The following TRPC6 variants were observed in gnomAD, a reference collection of about 807,000 sequenced individuals.
TRPC6 encodes transient receptor potential cation channel subfamily C member 6, also known as short transient receptor potential channel 6.
Under a neutral mutation model 90.7 loss-of-function variants are expected in TRPC6, and 55 were observed. The observed-to-expected ratio is 0.61, with a 90% CI of 0.49 to 0.76. TRPC6 has a LOEUF of 0.76. TRPC6 is among the 30% of genes least tolerant of loss of function. TRPC6 has a pLI of 0.00. For synonymous variants in TRPC6, 393 were observed against 393.0 expected, an observed-to-expected ratio of 1.00 and a Z score of 0.00; for missense variants, 989 against 1,122.7, an observed-to-expected ratio of 0.88 and a Z score of 1.70.
At chr11:101,548,008 T>C (rs1445024903) in intron 1 of TRPC6, among the ~76,000 whole-genome samples, 2 of 152,092 alleles carry the variant, frequency 1.3e-5, no homozygotes, top group Admixed American at 6.6e-5. Flanking sequence ...ATCCAGGAGA[T>C]GCCAACTATG....
chr11:101,521,996 T>C (rs568042103), intron 1 of TRPC6, among the ~76,000 whole-genome samples: 1 of 152,334 alleles, frequency 6.6e-6, no homozygotes, highest in South Asian at 2.1e-4. Context: ...ACTTGCCTTA[T>C]CTCAGATGAG....
intron 1 of TRPC6, among the ~76,000 whole-genome samples, chr11:101,556,040 T>C (rs1288444765): frequency 2.6e-5 from 4 of 152,036 alleles, no homozygotes; most frequent in Admixed American, 6.6e-5. Context: ...GGAAACACAA[T>C]ATACCAAAAC....
chr11:101,569,657 T>C (rs1861913702), intron 1 of TRPC6, among the ~76,000 whole-genome samples: 1 of 152,094 alleles, frequency 6.6e-6, no homozygotes, highest in Admixed American at 6.6e-5. Flanking sequence ...ATGGAAATCA[T>C]AACAAACAAG....
chr11:101,554,703 A>C (rs1260623096), intron 1 of TRPC6, among the ~76,000 whole-genome samples: 1 of 152,190 alleles, frequency 6.6e-6, no homozygotes, highest in Non-Finnish European at 1.5e-5. Context: ...TTAAAAAACA[A>C]AGATGAAAAA....
chr11:101,583,318 C>G lies in TRPC6; in HGVS notation c.170+16G>C. On this transcript the variant is annotated intron_variant, in intron 1 of 12. Transcript: ENST00000344327. ...CGCAGCCCGCGCCCGATCCGCCCCG[C>G]GTCGCCGGCACTCACAAGCAGGGGT... 6 of 1,568,458 alleles carry G rather than the reference C, an allele frequency of 3.8e-6. No homozygotes were observed. Among genetic ancestry groups the G allele is most frequent in the Non-Finnish European group, 5.2e-6 (6 of 1,158,104 alleles).
At position 101,452,799 on chromosome 11, in the gene TRPC6, A is replaced by AAATT. The variant is rs1410585644; in HGVS notation, c.*152_*155dup. The AAATT allele has an allele frequency of 2.5e-6, 2 of 805,170 alleles. No individual in the cohort carries two copies. The highest frequency in any genetic ancestry group is 2.6e-5 in the East Asian group (1 of 38,478). 49.9% of individuals were successfully genotyped at this position (805,170 alleles called of 1,614,324 possible). ...GAACAATGGAGTTTAATCACCAAAA[A>AAATT]AATTAGATACTAGGGCTCCAGATGA... On this transcript the variant is annotated 3_prime_UTR_variant, in exon 13 of 13. Coordinates refer to ENST00000344327, the MANE Select transcript of TRPC6 (RefSeq NM_004621.6).
intron 1 of TRPC6, among the ~76,000 whole-genome samples, chr11:101,549,048 A>G (rs553349628): frequency 4.6e-5 from 7 of 151,926 alleles, no homozygotes; most frequent in Non-Finnish European, 7.4e-5. Context: ...TTCAAATATC[A>G]CTTTTTAAAA....
At chr11:101,545,663 G>A (rs935927169) in intron 1 of TRPC6, among the ~76,000 whole-genome samples, 1 of 152,132 alleles carries the variant, frequency 6.6e-6, no homozygotes, top group Non-Finnish European at 1.5e-5. Flanking sequence ...ACACTCATCT[G>A]GATTCAGCCT....
chr11:101,529,368 C>T (rs1860856223), intron 1 of TRPC6, among the ~76,000 whole-genome samples: 1 of 152,164 alleles, frequency 6.6e-6, no homozygotes, highest in Non-Finnish European at 1.5e-5. Flanking sequence ...TGGAACACTC[C>T]CCTAAGGGAA....
Position 101,473,778 on chromosome 11 carries a change from GA to G in TRPC6, c.1745-6del. The G allele has an allele frequency of 6.2e-7, 1 of 1,613,454 alleles. No homozygotes were observed. Among genetic ancestry groups the G allele is most frequent in the Non-Finnish European group, 8.5e-7 (1 of 1,179,594 alleles). On this transcript the variant is annotated splice_polypyrimidine_tract_variant and splice_region_variant and intron_variant, in intron 6 of 12. Transcript: ENST00000344327. Reference sequence around the variant, plus strand: ...AGGGGTCCCACTTTATCCTGGCTAGGAAAAAGCAAAGACAAAGAGTTGTGTG... The same window carrying G: ...AGGGGTCCCACTTTATCCTGGCTAGGAAAAGCAAAGACAAAGAGTTGTGTG...
intron 1 of TRPC6, among the ~76,000 whole-genome samples, chr11:101,541,354 T>C (rs1300741848): frequency 6.6e-6 from 1 of 152,142 alleles, no homozygotes; most frequent in Non-Finnish European, 1.5e-5. Context: ...CTTCTTAAAA[T>C]GACTGTATTT....
chr11:101,458,792 G>T (rs1353650217), intron 10 of TRPC6, among the ~76,000 whole-genome samples: 1 of 152,216 alleles, frequency 6.6e-6, no homozygotes, highest in Non-Finnish European at 1.5e-5. Context: ...ACCTGGAGCA[G>T]ATGTGAAGGC....
intron 9 of TRPC6, 55 bp from the exon 10 acceptor site, chr11:101,469,556 A>G (rs1859237350): frequency 1.4e-6 from 1 of 696,022 alleles, no homozygotes. Flanking sequence ...TTCACTCTTC[A>G]TTCTGTATTT....
chr11:101,583,365 G>C lies in TRPC6; in HGVS notation c.139C>G (p.Pro47Ala), dbSNP rs769034524. 99 of 1,594,344 alleles carry C rather than the reference G, an allele frequency of 6.2e-5. No homozygotes were observed. Among genetic ancestry groups the C allele is most frequent in the Non-Finnish European group, 7.9e-5 (92 of 1,170,854 alleles). The stretch of plus-strand genomic sequence containing the variant: ...GGGTAGTAGCCGTAGCAAGGCAGCG[G>C]GGCTTGCGGGCAGCCGTCTTCTCCC... ...ELGEDGCPQA[P>A]LPCYGYYPCF... The change falls in exon 1 of 13, where the codon CCG (proline) becomes GCG (alanine). Residue 47 changes from proline (P) to alanine (A), a missense_variant. Pro to Ala is a conservative substitution (Grantham distance 27). This residue lies in a region of TRPC6 where 194 missense variants were observed against 136.5 expected (regional missense o/e 1.42). Coordinates refer to ENST00000344327, the MANE Select transcript of TRPC6 (RefSeq NM_004621.6).
chr11:101,568,449 A>G (rs567174381), intron 1 of TRPC6, among the ~76,000 whole-genome samples: 14 of 152,328 alleles, frequency 9.2e-5, no homozygotes, highest in Admixed American at 3.3e-4. Flanking sequence ...TCAGAATATT[A>G]TCCAGGAGAA....
intron 2 of TRPC6, among the ~76,000 whole-genome samples, chr11:101,494,021 G>T (rs949322344): frequency 2.0e-5 from 3 of 152,190 alleles, no homozygotes; most frequent in Non-Finnish European, 2.9e-5. Flanking sequence ...TCTTACCTGA[G>T]AATGGCTAGT....
At chr11:101,474,425 C>T (rs1411876709) in intron 6 of TRPC6, among the ~76,000 whole-genome samples, 1 of 151,532 alleles carries the variant, frequency 6.6e-6, no homozygotes, top group African/African-American at 2.4e-5. Flanking sequence ...AACTAAGAAA[C>T]CATTATGAAG....
chr11:101,490,866 T>A (rs1452734279), intron 3 of TRPC6, among the ~76,000 whole-genome samples: 1 of 152,234 alleles, frequency 6.6e-6, no homozygotes, highest in Admixed American at 6.5e-5. Flanking sequence ...GTGGAAATTC[T>A]AATGCGGTAA....
At chr11:101,489,530 C>T (rs769580723) in intron 3 of TRPC6, among the ~76,000 whole-genome samples, 7 of 152,176 alleles carry the variant, frequency 4.6e-5, no homozygotes, top group Admixed American at 1.3e-4. Flanking sequence ...ACTAAATTCC[C>T]GTTTGTATAT....
Sources: gnomAD v4.1 joint callset for allele counts (sites outside exome capture counted in the v4.1 genomes callset) on GRCh38, gnomAD v4.1.1 for gene constraint, gnomAD v4.1.1 regional missense constraint, MANE v1.5 for transcripts, NCBI Gene and HGNC (gene_info 2026-07-23, HGNC 2026-07-21) for gene names.